SLC10A7: variants seen among roughly 807,000 people sequenced by gnomAD.
SLC10A7 encodes the protein solute carrier family 10 member 7, also known as sodium/bile acid cotransporter 7.
In SLC10A7, 29 loss-of-function variants were observed where a neutral mutation model predicts 43.2. The ratio of observed to expected loss-of-function variants is 0.67; its 90% confidence interval spans 0.50 to 0.92. SLC10A7 has a LOEUF of 0.92. Among genes scored for constraint, SLC10A7 ranks in the 40% least tolerant of loss-of-function variants. SLC10A7 has a pLI of 0.00. For synonymous variants in SLC10A7, 152 were observed against 144.8 expected, an observed-to-expected ratio of 1.05 and a Z score of -0.35; for missense variants, 295 against 403.2, an observed-to-expected ratio of 0.73 and a Z score of 2.30.
intron 5 of SLC10A7, among the ~76,000 whole-genome samples, chr4:146,338,109 T>G (rs1457017433): frequency 2.0e-5 from 3 of 151,846 alleles, no homozygotes; most frequent in Non-Finnish European, 4.4e-5. Flanking sequence ...ATGCAATAAT[T>G]TTTTTTGCTG....
chr4:146,410,694 A>G (rs1387761063), intron 5 of SLC10A7, among the ~76,000 whole-genome samples: 2 of 152,196 alleles, frequency 1.3e-5, no homozygotes, highest in Admixed American at 6.5e-5. Context: ...CCTTTGTCCT[A>G]AGAGCCAAAA....
chr4:146,390,418 C>T (rs187274354), intron 5 of SLC10A7, among the ~76,000 whole-genome samples: 10 of 152,226 alleles, frequency 6.6e-5, no homozygotes, highest in Non-Finnish European at 4.4e-5. Context: ...TGCTTGAGCT[C>T]AGGAGTTCAA....
Position 146,260,688 on chromosome 4 carries a change from C to G in SLC10A7, c.848-1851G>C, listed in dbSNP as rs147324679. Among the ~76,000 whole-genome samples, 12 of 152,336 alleles carry G rather than the reference C, an allele frequency of 7.9e-5. No homozygotes were observed. In the East Asian group the frequency reaches 1.5e-3, roughly 20 times the overall value. The stretch of plus-strand genomic sequence containing the variant: ...AAATTTCTTAGTGGTAGGCTCTAAA[C>G]TGCGACTCAGGCAACCTGAATTTCC... On this transcript the variant is annotated intron_variant, in intron 10 of 11. Transcript: ENST00000335472.
intron 5 of SLC10A7, among the ~76,000 whole-genome samples, chr4:146,331,951 T>C (rs547732449): frequency 2.0e-5 from 3 of 152,270 alleles, no homozygotes; most frequent in South Asian, 2.1e-4. Flanking sequence ...GGTCAGGGTA[T>C]ATAGTCTCCA....
chr4:146,347,783 T>G (rs769625238), intron 5 of SLC10A7, among the ~76,000 whole-genome samples: 2 of 152,164 alleles, frequency 1.3e-5, no homozygotes, highest in African/African-American at 4.8e-5. Context: ...GCTACAGCAG[T>G]AGCCAGTGTC....
chr4:146,401,355 T>C (rs1051642228), intron 5 of SLC10A7, among the ~76,000 whole-genome samples: 3 of 152,108 alleles, frequency 2.0e-5, no homozygotes, highest in Non-Finnish European at 4.4e-5. Flanking sequence ...GATGACTTAA[T>C]TACAGAAATG....
chr4:146,425,961 C>T (rs571885188), intron 5 of SLC10A7, among the ~76,000 whole-genome samples: 1 of 152,314 alleles, frequency 6.6e-6, no homozygotes, highest in East Asian at 1.9e-4. Flanking sequence ...AATACTTTCT[C>T]TTGTGAATTT....
intron 2 of SLC10A7, among the ~76,000 whole-genome samples, chr4:146,513,443 T>G (rs940387283): frequency 1.3e-5 from 2 of 152,184 alleles, no homozygotes; most frequent in African/African-American, 2.4e-5. Flanking sequence ...AAAATTGATG[T>G]TAATAGTTAA....
chr4:146,484,366 T>G (rs1734742650), intron 4 of SLC10A7, among the ~76,000 whole-genome samples: 1 of 152,134 alleles, frequency 6.6e-6, no homozygotes, highest in Non-Finnish European at 1.5e-5. Context: ...AAATTTTTTT[T>G]AAGTGAATAA....
chr4:146,282,019 T>C (rs551600208), intron 10 of SLC10A7, among the ~76,000 whole-genome samples: 1 of 152,124 alleles, frequency 6.6e-6, no homozygotes, highest in East Asian at 1.9e-4. Flanking sequence ...ACAAAATGAG[T>C]GTTATTCTGC....
intron 5 of SLC10A7, among the ~76,000 whole-genome samples, chr4:146,348,502 T>C (rs74897093): frequency 1.9e-3 from 294 of 152,310 alleles, no homozygotes; most frequent in Middle Eastern, 3.4e-3. Flanking sequence ...AGTACCTACA[T>C]AAATGTGCTT....
At chr4:146,515,834 C>T (rs539294180) in intron 2 of SLC10A7, among the ~76,000 whole-genome samples, 127 of 133,764 alleles carry the variant, frequency 9.5e-4, no homozygotes, top group Non-Finnish European at 1.6e-3. Context: ...CACTTGAACC[C>T]GGGAGGCGGA....
rs908083094 is a variant in SLC10A7, at chr4:146,254,223, ATCTAATTTTG to A, written c.*2258_*2267del. The A allele has an allele frequency of 6.6e-6, 1 of 152,164 alleles. No individual in the cohort carries two copies. Among genetic ancestry groups the A allele is most frequent in the Admixed American group, 6.5e-5 (1 of 15,278 alleles). 9.4% of individuals were successfully genotyped at this position (152,164 alleles called of 1,614,324 possible). ...TACCAACATTATTACCCATTAAAAA[ATCTAATTTTG>A]TAACAACCATTAAAAAAAATCCAGG... On this transcript the variant is annotated 3_prime_UTR_variant, in exon 12 of 12. Coordinates refer to ENST00000335472, the MANE Select transcript of SLC10A7 (RefSeq NM_001029998.6).
intron 5 of SLC10A7, among the ~76,000 whole-genome samples, chr4:146,349,534 G>C (rs1290429799): frequency 2.6e-5 from 4 of 152,102 alleles, no homozygotes; most frequent in Admixed American, 6.5e-5. Context: ...AAAATAAATT[G>C]TTCTACTAAG....
chr4:146,256,225 T>C lies in SLC10A7; in HGVS notation c.*266A>G. ...CTGCAGGGAAAGCATGTTTGCTTTT[T>C]GTCACTTACCATGACTGATTCCTGC... On this transcript the variant is annotated 3_prime_UTR_variant, in exon 12 of 12. Coordinates refer to ENST00000335472, the MANE Select transcript of SLC10A7 (RefSeq NM_001029998.6). 1 of 489,316 alleles carries C rather than the reference T, an allele frequency of 2.0e-6. No homozygotes were observed. Among genetic ancestry groups the C allele is most frequent in the Non-Finnish European group, 3.7e-6 (1 of 272,414 alleles). The allele number at this position is 489,316 out of a possible 1,614,324, so 30.3% of individuals were successfully genotyped here.
intron 9 of SLC10A7, among the ~76,000 whole-genome samples, chr4:146,286,373 T>G (rs112144301): frequency 6.1e-3 from 709 of 115,686 alleles, no homozygotes; most frequent in South Asian, 0.014. Flanking sequence ...GGACTGAGTT[T>G]GGAGTGGTGA....
At chr4:146,497,908 G>A (rs1230038808) in intron 4 of SLC10A7, among the ~76,000 whole-genome samples, 1 of 151,628 alleles carries the variant, frequency 6.6e-6, no homozygotes, top group Non-Finnish European at 1.5e-5. Context: ...CCTTTGTAAG[G>A]CTTTTGGAGG....
At chr4:146,516,034 A>G (rs1737931459) in intron 2 of SLC10A7, among the ~76,000 whole-genome samples, 1 of 152,090 alleles carries the variant, frequency 6.6e-6, no homozygotes. Context: ...TAAGAAGGAG[A>G]TAACTAAATT....
rs903655574 is a variant in SLC10A7 at position 146,462,845 on chromosome 4, G to A, written c.397-20024C>T. On this transcript the variant is annotated intron_variant, in intron 4 of 11. Coordinates refer to ENST00000335472, the MANE Select transcript of SLC10A7 (RefSeq NM_001029998.6). The stretch of plus-strand genomic sequence containing the variant: ...TCTCCTGGTCAAACGTTTTATATCT[G>A]TAAGCGACTTTCTCTAAAAAAAAAT... 3.0e-4 allele frequency among the ~76,000 whole-genome samples: 45 copies of A among 152,008 alleles called. 1 individual carries two copies.
Sources: gnomAD v4.1 joint callset for allele counts (sites outside exome capture counted in the v4.1 genomes callset) on GRCh38, gnomAD v4.1.1 for gene constraint, MANE v1.5 for transcripts, NCBI Gene and HGNC (gene_info 2026-07-23, HGNC 2026-07-21) for gene names.